The following HTT-AS variants were observed in gnomAD, a reference collection of about 807,000 sequenced individuals.
HTT-AS encodes HTT antisense RNA, also known as HTT antisense RNA (head to head).
chr4:3,074,536 G>T, exon 1 of HTT-AS: 1 of 315,502 alleles, frequency 3.2e-6, no homozygotes, highest in Non-Finnish European at 5.6e-6. Flanking sequence ...AACCTGCGGG[G>T]GCAGGGGCGG....
intron 2 of HTT-AS, among the ~76,000 whole-genome samples, chr4:3,060,095 C>A (rs1261602989): frequency 3.9e-5 from 6 of 152,216 alleles, no homozygotes; most frequent in Middle Eastern, 3.4e-3. Flanking sequence ...TACTTCCCTA[C>A]AGTAATGCCC....
At chr4:3,051,905 A>G (rs1315118440) in intron 2 of HTT-AS, among the ~76,000 whole-genome samples, 1 of 152,152 alleles carries the variant, frequency 6.6e-6, no homozygotes, top group African/African-American at 2.4e-5. Context: ...AAAAAACTAG[A>G]TGAGGTCTCC....
intron 2 of HTT-AS, among the ~76,000 whole-genome samples, chr4:3,059,795 A>T (rs1300034857): frequency 6.6e-6 from 1 of 151,048 alleles, no homozygotes; most frequent in African/African-American, 2.4e-5. Context: ...CTGGTCTCAA[A>T]CTCCTGACCT....
intron 1 of HTT-AS, among the ~76,000 whole-genome samples, chr4:3,066,080 G>A (rs1712045948): frequency 6.6e-6 from 1 of 151,232 alleles, no homozygotes; most frequent in South Asian, 2.1e-4. Flanking sequence ...GCCAGAAGAG[G>A]GTGGGAGCGC....
intron 2 of HTT-AS, among the ~76,000 whole-genome samples, chr4:3,057,831 G>A (rs1183743731): frequency 5.3e-5 from 8 of 151,408 alleles, no homozygotes; most frequent in Admixed American, 5.3e-4. Flanking sequence ...CACCATGTTA[G>A]CCAGGATGGT....
exon 2 of HTT-AS, among the ~76,000 whole-genome samples, chr4:3,062,967 G>A (rs16843779): frequency 0.12 from 18,011 of 152,012 alleles, 1,933 homozygotes; most frequent in African/African-American, 0.29. Flanking sequence ...CAGTCCAACC[G>A]GACCTTTTAC....
At chr4:3,067,679 G>A (rs1310594792) in intron 1 of HTT-AS, among the ~76,000 whole-genome samples, 2 of 152,184 alleles carry the variant, frequency 1.3e-5, no homozygotes, top group Non-Finnish European at 2.9e-5. Context: ...TTCAGGCTGT[G>A]GGGAATGTCT....
At chr4:3,053,331 G>A (rs954468117) in intron 2 of HTT-AS, among the ~76,000 whole-genome samples, 16 of 152,140 alleles carry the variant, frequency 1.1e-4, no homozygotes, top group Non-Finnish European at 1.9e-4. Context: ...TCAGGAGTTC[G>A]AGACCAGCCT....
exon 2 of HTT-AS, among the ~76,000 whole-genome samples, chr4:3,063,081 T>G (rs1711975664): frequency 3.3e-5 from 5 of 152,080 alleles, no homozygotes; most frequent in Non-Finnish European, 7.4e-5. Flanking sequence ...CTTCATGACA[T>G]TCATAGTCTA....
At chr4:3,063,475 C>T (rs892406337) in exon 2 of HTT-AS, 2 of 152,304 alleles carry the variant, frequency 1.3e-5, no homozygotes, top group Non-Finnish European at 2.9e-5. Flanking sequence ...GCAAGGAGGT[C>T]TCTGCACTGG....
intron 2 of HTT-AS, among the ~76,000 whole-genome samples, chr4:3,052,526 C>T (rs896461664): frequency 2.0e-5 from 3 of 152,148 alleles, no homozygotes; most frequent in Admixed American, 6.5e-5. Context: ...AGGCTCTGTT[C>T]TGTTTTGCAT....
chr4:3,054,452 GGT>G (rs1711770498), intron 2 of HTT-AS, among the ~76,000 whole-genome samples: 1 of 152,126 alleles, frequency 6.6e-6, no homozygotes, highest in Admixed American at 6.6e-5. Context: ...TTACATGCAA[GGT>G]GTGTGAGGAG....
At chr4:3,056,302 T>C (rs938805508) in intron 2 of HTT-AS, among the ~76,000 whole-genome samples, 43 of 152,236 alleles carry the variant, frequency 2.8e-4, no homozygotes, top group African/African-American at 8.4e-4. Flanking sequence ...GGATGCTTCA[T>C]GGTCAGAACA....
chr4:3,060,455 T>C (rs1301234622), intron 2 of HTT-AS, among the ~76,000 whole-genome samples: 1 of 152,216 alleles, frequency 6.6e-6, no homozygotes, highest in Non-Finnish European at 1.5e-5. Flanking sequence ...GAGAAAGGTC[T>C]CATTTAATTT....
rs140306864 is a variant in HTT-AS, at chr4:3,070,654, G to A, written n.113+3772C>T. Among the ~76,000 whole-genome samples the A allele has an allele frequency of 5.9e-5, 9 of 152,234 alleles. No homozygotes were observed. In the East Asian group the frequency reaches 1.5e-3, roughly 26 times the overall value. On this transcript the variant is annotated intron_variant and non_coding_transcript_variant, in intron 1 of 2. Transcript: ENST00000664062. ...TGGGGGACGTTATCAGGCTCTACAT[G>A]GTGTGTAGTCGGCTAGCATGTTGTA...
exon 2 of HTT-AS, among the ~76,000 whole-genome samples, chr4:3,062,789 T>C (rs1711961311): frequency 6.6e-6 from 1 of 152,030 alleles, no homozygotes; most frequent in African/African-American, 2.4e-5. Flanking sequence ...AGATGAGCCG[T>C]GAGGAAATCC....
At chr4:3,069,739 G>A (rs551627514) in intron 1 of HTT-AS, among the ~76,000 whole-genome samples, 1 of 152,112 alleles carries the variant, frequency 6.6e-6, no homozygotes, top group African/African-American at 2.4e-5. Context: ...CCTATGAGAC[G>A]GGAAAGGTTT....
chr4:3,068,402 G>C (rs947415617), intron 1 of HTT-AS, among the ~76,000 whole-genome samples: 1 of 149,956 alleles, frequency 6.7e-6, no homozygotes, highest in Non-Finnish European at 1.5e-5. Context: ...ACCAAAATCC[G>C]TGAAGAAGGA....
At position 3,055,326 on chromosome 4, in the gene HTT-AS, G is replaced by C. The variant is rs190674651; in HGVS notation, n.1381-5628C>G. On this transcript the variant is annotated intron_variant and non_coding_transcript_variant, in intron 2 of 2. Coordinates refer to ENST00000664062, the Ensembl canonical transcript of HTT-AS. ...AAAAAAAAAGTCTCAAACTAGCCCT[G>C]GGTTGGGCCCTGTCATCTTTAACCC... Among the ~76,000 whole-genome samples the C allele has an allele frequency of 8.6e-5, 13 of 151,680 alleles. No individual in the cohort carries two copies. The South Asian group carries it at 1.2e-3, about 15-fold the overall frequency.
Sources: gnomAD v4.1 joint callset for allele counts (sites outside exome capture counted in the v4.1 genomes callset) on GRCh38, gnomAD v4.1.1 for gene constraint, MANE v1.5 for transcripts, NCBI Gene and HGNC (gene_info 2026-07-23, HGNC 2026-07-21) for gene names.